TYW1B: variants seen among roughly 807,000 people sequenced by gnomAD.
The protein encoded by TYW1B is tRNA-yW synthesizing protein 1 homolog B.
In TYW1B, 73 loss-of-function variants were observed where a neutral mutation model predicts 86.9. That is an observed-to-expected ratio of 0.84 (90% confidence interval 0.70 to 1.02). TYW1B has a LOEUF of 1.02. Ranked by LOEUF, TYW1B falls within the 50% of genes least tolerant of loss-of-function variation. The pLI, the probability that TYW1B is intolerant of heterozygous loss-of-function variation, is 0.00. For synonymous variants in TYW1B, 248 were observed against 292.8 expected (o/e 0.85, Z 1.56); for missense variants, 637 against 827.4 (o/e 0.77, Z 2.82).
intron 12 of TYW1B, among the ~76,000 whole-genome samples, chr7:72,623,938 A>G (rs1275923017): frequency 6.6e-6 from 1 of 151,918 alleles, no homozygotes; most frequent in Non-Finnish European, 1.5e-5. Flanking sequence ...AGTAGCTGGG[A>G]TTATAGGCAC....
At chr7:72,633,998 T>C (rs1487264356) in intron 11 of TYW1B, among the ~76,000 whole-genome samples, 1 of 152,180 alleles carries the variant, frequency 6.6e-6, no homozygotes, top group African/African-American at 2.4e-5. Context: ...TTGATGTAAC[T>C]GGAGCTCCAG....
chr7:72,688,505 ACT>A (rs1554449816), intron 11 of TYW1B, among the ~76,000 whole-genome samples: 1 of 152,040 alleles, frequency 6.6e-6, no homozygotes, highest in African/African-American at 2.4e-5. Flanking sequence ...CTGGAAACTC[ACT>A]GTTTCCTTGA....
chr7:72,677,985 A>AG (rs1309253563), intron 11 of TYW1B, among the ~76,000 whole-genome samples: 3 of 152,182 alleles, frequency 2.0e-5, no homozygotes, highest in Non-Finnish European at 4.4e-5. Context: ...TACAGGCGTG[A>AG]GCCACCGCAC....
intron 11 of TYW1B, among the ~76,000 whole-genome samples, chr7:72,650,122 G>C (rs145514318): frequency 0.022 from 3,248 of 147,246 alleles, 54 homozygotes; most frequent in Middle Eastern, 0.1. Flanking sequence ...CACCGTGTTA[G>C]CCAGGATGGT....
At chr7:72,709,490 AC>A (rs749839745) in intron 10 of TYW1B, among the ~76,000 whole-genome samples, 12 of 150,572 alleles carry the variant, frequency 8.0e-5, no homozygotes, top group East Asian at 6.6e-4. Flanking sequence ...ACACGGTGAA[AC>A]CCCTGTCTCT....
At chr7:72,602,601 T>A (rs1811690864) in intron 13 of TYW1B, among the ~76,000 whole-genome samples, 1 of 152,110 alleles carries the variant, frequency 6.6e-6, no homozygotes, top group Non-Finnish European at 1.5e-5. Context: ...CAACTTACAA[T>A]GGGGTTATGT....
intron 11 of TYW1B, among the ~76,000 whole-genome samples, chr7:72,678,273 G>A (rs1813782940): frequency 6.6e-6 from 1 of 152,078 alleles, no homozygotes; most frequent in Admixed American, 6.6e-5. Context: ...AAGAGGGATG[G>A]GCAGTGCTGC....
At chr7:72,700,994 G>A (rs1321248792) in intron 10 of TYW1B, among the ~76,000 whole-genome samples, 1 of 152,002 alleles carries the variant, frequency 6.6e-6, no homozygotes, top group Non-Finnish European at 1.5e-5. Context: ...AATCGGGGAG[G>A]CGGAGGTTGC....
In TYW1B at chr7:72,598,807, T is replaced by C. The variant is rs1176430852; in HGVS notation, c.1785+17865A>G. ...CTAATCTGGGGCTACAGCAGGTGAT[T>C]TGAAAAATTAAAATGCAAAAAGAGC... On this transcript the variant is annotated intron_variant, in intron 13 of 13. Coordinates refer to ENST00000620995, the MANE Select transcript of TYW1B (RefSeq NM_001145440.3). Among the ~76,000 whole-genome samples the C allele has an allele frequency of 3.3e-5, 5 of 151,996 alleles. No homozygotes were observed. The East Asian group carries it at 7.7e-4, about 23-fold the overall frequency.
intron 7 of TYW1B, among the ~76,000 whole-genome samples, chr7:72,770,302 G>A (rs1172501081): frequency 6.6e-5 from 10 of 151,178 alleles, no homozygotes; most frequent in African/African-American, 1.5e-4. Flanking sequence ...GGTGGTGCGC[G>A]CCTGTAGGCC....
At chr7:72,791,000 T>G (rs1298905151) in intron 6 of TYW1B, among the ~76,000 whole-genome samples, 1 of 152,210 alleles carries the variant, frequency 6.6e-6, no homozygotes, top group African/African-American at 2.4e-5. Flanking sequence ...ACCTGGGGCT[T>G]ACCAGTGGCC....
At chr7:72,580,578 C>A (rs1295513773) in intron 13 of TYW1B, among the ~76,000 whole-genome samples, 4 of 152,158 alleles carry the variant, frequency 2.6e-5, no homozygotes, top group African/African-American at 9.7e-5. Flanking sequence ...TGAGGCAATG[C>A]AGGCTCCCAC....
intron 11 of TYW1B, among the ~76,000 whole-genome samples, chr7:72,672,475 C>CACACACACACAT (rs1813631118): frequency 7.1e-6 from 1 of 141,164 alleles, no homozygotes; most frequent in African/African-American, 2.8e-5. Context: ...CACACACAAA[C>CACACACACACAT]ACACACACAC....
At chr7:72,639,285 C>T (rs1241101047) in intron 11 of TYW1B, among the ~76,000 whole-genome samples, 2 of 151,522 alleles carry the variant, frequency 1.3e-5, no homozygotes, top group East Asian at 3.9e-4. Flanking sequence ...CAGGGTTTCA[C>T]TCTGTCACTC....
rs143682792 is a variant in TYW1B, at chr7:72,788,327, G to C, written c.847-10794C>G. Among the ~76,000 whole-genome samples the C allele has an allele frequency of 6.4e-3, 981 of 152,194 alleles. 7 individuals carry two copies. The highest frequency in any genetic ancestry group is 0.022 in the African/African-American group (917 of 41,556). ...TCTTCCCGGGCTTCAAAATACAAAA[G>C]CTACTAAAAATGACAAAGACCACAT... On this transcript the variant is annotated intron_variant, in intron 6 of 13. Coordinates refer to ENST00000620995, the MANE Select transcript of TYW1B (RefSeq NM_001145440.3).
At chr7:72,723,020 G>C in intron 9 of TYW1B, 1 of 735,800 alleles carries the variant, frequency 1.4e-6, no homozygotes, top group Non-Finnish European at 2.3e-6. Flanking sequence ...CCGCCACCTC[G>C]AAAAGGGCCC....
chr7:72,767,231 G>A (rs1407485761), intron 7 of TYW1B, among the ~76,000 whole-genome samples: 5 of 152,104 alleles, frequency 3.3e-5, no homozygotes, highest in Admixed American at 1.3e-4. Context: ...TCGGACTGCC[G>A]TCACCCCTGT....
chr7:72,584,995 A>G (rs1448496971), intron 13 of TYW1B, among the ~76,000 whole-genome samples: 1 of 152,246 alleles, frequency 6.6e-6, no homozygotes, highest in African/African-American at 2.4e-5. Context: ...AATAACCAAA[A>G]AAATAAAACT....
chr7:72,708,956 C>T (rs1375414191), intron 10 of TYW1B, among the ~76,000 whole-genome samples: 1 of 152,118 alleles, frequency 6.6e-6, no homozygotes, highest in African/African-American at 2.4e-5. Flanking sequence ...CTAGATAATT[C>T]ACATCTTTCA....
Sources: allele counts gnomAD v4.1 joint callset (sites outside exome capture counted in the v4.1 genomes callset), GRCh38; gene constraint gnomAD v4.1.1; transcripts MANE v1.5; gene names NCBI Gene and HGNC (gene_info 2026-07-23, HGNC 2026-07-21).